The following ANKK1 variants were observed in gnomAD, a reference collection of about 807,000 sequenced individuals.
The protein encoded by ANKK1 is ankyrin repeat and protein kinase domain-containing protein 1.
A neutral mutation model predicts 37.6 loss-of-function variants in ANKK1; 37 were observed. The observed-to-expected ratio is 0.98, with a 90% confidence interval of 0.76 to 1.29. The LOEUF (loss-of-function observed/expected upper bound fraction) is 1.29. ANKK1 is among the 50% of genes most tolerant of loss of function. The pLI, the probability that ANKK1 is intolerant of heterozygous loss-of-function variation, is 0.00. For missense variants in ANKK1, 1,019 were observed against 990.6 expected, an observed-to-expected ratio of 1.03 and a Z score of -0.39; for synonymous variants, 415 against 418.7, an observed-to-expected ratio of 0.99 and a Z score of 0.11.
chr11:113,387,787 C>A lies in ANKK1; in HGVS notation c.-98C>A. On this transcript the variant is annotated 5_prime_UTR_variant, in exon 1 of 8. Transcript: ENST00000303941. ...GGCCGGCTCGTCTCCCCATTCCCCT[C>A]TCCCGGACCCGAGGAGCAGGAAGCG... is the stretch of plus-strand genomic sequence containing the variant. 1 of 1,367,036 alleles carries A rather than the reference C, an allele frequency of 7.3e-7. No homozygotes were observed. The allele number at this position is 1,367,036 out of a possible 1,614,324, so 84.7% of individuals were successfully genotyped here. A position where few individuals can be genotyped will look rare whatever the true frequency, so the allele number is the denominator to read the frequency against.
At chr11:113,398,848 C>A in intron 7 of ANKK1, 116 bp from the exon 8 acceptor site, 1 of 881,998 alleles carries the variant, frequency 1.1e-6, no homozygotes, top group Non-Finnish European at 1.7e-6. Context: ...AAGGCATTGC[C>A]CTTACTGCTC....
intron 1 of ANKK1, among the ~76,000 whole-genome samples, chr11:113,391,147 AG>A (rs1950584192): frequency 6.6e-6 from 1 of 152,198 alleles, no homozygotes; most frequent in Non-Finnish European, 1.5e-5. Context: ...GGAGTGTTCT[AG>A]GCAGAGAGAA....
At chr11:113,393,103 T>A (rs996612835) in intron 1 of ANKK1, among the ~76,000 whole-genome samples, 1 of 152,216 alleles carries the variant, frequency 6.6e-6, no homozygotes, top group Non-Finnish European at 1.5e-5. Flanking sequence ...TAATAAATGA[T>A]GTTTTGAAGC....
At chr11:113,393,828 G>A (rs1950613200) in intron 2 of ANKK1, 53 bp downstream of exon 2, 9 of 1,533,232 alleles carry the variant, frequency 5.9e-6, no homozygotes, top group African/African-American at 1.4e-5. Flanking sequence ...TTGCCTCCAG[G>A]TGAGCAGAAT....
Position 113,399,602 on chromosome 11 carries a change from C to T in ANKK1, c.1633C>T (p.His545Tyr). The change falls in exon 8 of 8, where the codon CAC (histidine) becomes TAC (tyrosine). Residue 545 changes from histidine to tyrosine, a missense_variant. By Grantham distance (83) the His-to-Tyr change is moderately conservative. Coordinates refer to ENST00000303941, the MANE Select transcript of ANKK1 (RefSeq NM_178510.2). Reference sequence around the variant, plus strand: ...GCGGGGCAAAGTGAGGGCCATCCAACACCTGCTGAAGAGTGGAGCGGTCCC... The same window carrying T: ...GCGGGGCAAAGTGAGGGCCATCCAATACCTGCTGAAGAGTGGAGCGGTCCC... Reference protein sequence around the residue: ...VERGKVRAIQHLLKSGAVPDA... With the variant: ...VERGKVRAIQYLLKSGAVPDA... 6.2e-7 allele frequency: 1 copy of T among 1,607,020 alleles called. No homozygotes were observed.
Position 113,398,960 on chromosome 11 carries a change from G to A in ANKK1, c.995-4G>A, listed in dbSNP as rs372213372. 157 of 1,563,650 alleles carry A rather than the reference G, an allele frequency of 1.0e-4. No homozygotes were observed. Among genetic ancestry groups the A allele is most frequent in the Middle Eastern group, 5.0e-4 (3 of 5,956 alleles). ...TTTTTTCAACCCCATCTTTCTCCCA[G>A]CAGACTCAGGAAACTACCTGAAGCG... is the stretch of plus-strand genomic sequence containing the variant. On this transcript the variant is annotated splice_polypyrimidine_tract_variant and splice_region_variant and intron_variant, in intron 7 of 7. Transcript: ENST00000303941.
chr11:113,392,707 C>T (rs1950597544), intron 1 of ANKK1, among the ~76,000 whole-genome samples: 1 of 152,236 alleles, frequency 6.6e-6, no homozygotes, highest in Non-Finnish European at 1.5e-5. Flanking sequence ...TAAGTTTCGA[C>T]TTCTGTTCCA....
chr11:113,394,676 G>A, intron 2 of ANKK1: 1 of 631,326 alleles, frequency 1.6e-6, no homozygotes, highest in South Asian at 1.5e-5. Flanking sequence ...ACCTCATTTA[G>A]TGCTCACAAT....
Position 113,399,588 on chromosome 11 carries a change from T to C in ANKK1, c.1619T>C (p.Val540Ala), listed in dbSNP as rs1164909434. ...CACCTGGCAGTAGAGCGGGGCAAAG[T>C]GAGGGCCATCCAACACCTGCTGAAG... ...PLHLAVERGKVRAIQHLLKSG... is the reference protein window; with the variant it reads ...PLHLAVERGKARAIQHLLKSG... Residue 540 changes from valine to alanine, a missense_variant, in exon 8 of 8, where the codon GTG becomes GCG. By Grantham distance (64) the Val-to-Ala change is moderately conservative (BLOSUM62 0). Transcript: ENST00000303941. 6.2e-7 allele frequency: 1 copy of C among 1,605,722 alleles called. No homozygotes were observed. The highest frequency in any genetic ancestry group is 1.7e-5 in the Admixed American group (1 of 59,064).
Position 113,388,034 on chromosome 11 carries a change from C to A in ANKK1, c.150C>A (p.Ile50=). 6.5e-7 allele frequency: 1 copy of A among 1,539,692 alleles called. No individual in the cohort carries two copies. Residue 50 remains isoleucine (I), a synonymous_variant, in exon 1 of 8, where the codon ATC becomes ATA. Coordinates refer to ENST00000303941, the MANE Select transcript of ANKK1 (RefSeq NM_178510.2). The part of the protein sequence containing the change: ...RHRRWRTEYA[I]KCAPCLPPDA... ...GGCGCTGGCGGACGGAGTACGCCAT[C>A]AAGTGCGCCCCCTGCCTTCCACCCG...
At chr11:113,392,956 A>G (rs765660725) in intron 1 of ANKK1, among the ~76,000 whole-genome samples, 5 of 152,216 alleles carry the variant, frequency 3.3e-5, no homozygotes, top group Non-Finnish European at 7.3e-5. Flanking sequence ...GGTGGATAGT[A>G]AAAGGATATA....
Position 113,395,427 on chromosome 11 carries a change from C to A in ANKK1, c.682+19C>A. 6.2e-7 allele frequency: 1 copy of A among 1,613,584 alleles called. No individual in the cohort carries two copies. Among genetic ancestry groups the A allele is most frequent in the Non-Finnish European group, 8.5e-7 (1 of 1,179,646 alleles). On this transcript the variant is annotated intron_variant, in intron 4 of 7. Coordinates refer to ENST00000303941, the MANE Select transcript of ANKK1 (RefSeq NM_178510.2). ...TACTCAGGTAAGCAGGCGGCTGTGG[C>A]TCTGTGTTGGGGGCAGGAGGACCCC...
Position 113,400,009 on chromosome 11 carries a change from A to T in ANKK1, c.2040A>T (p.Glu680Asp), listed in dbSNP as rs961308840. Residue 680 changes from glutamate to aspartate, a missense_variant, in exon 8 of 8, where the codon GAA becomes GAT. Transcript: ENST00000303941. ...TCCTGAGTGTCATCAACCTCCTAGA[A>T]CATCACGCAAATGTCCACGCCCGCA... is the stretch of plus-strand genomic sequence containing the variant. The part of the protein sequence containing the change: ...STFLSVINLL[E>D]HHANVHARNK... 2 of 1,613,322 alleles carry T rather than the reference A, an allele frequency of 1.2e-6. No individual in the cohort carries two copies. The highest frequency in any genetic ancestry group is 2.7e-5 in the African/African-American group (2 of 74,828).
In ANKK1 at chr11:113,396,288, G is replaced by T; in HGVS notation, c.838+66G>T. On this transcript the variant is annotated intron_variant, in intron 5 of 7. Coordinates refer to ENST00000303941, the MANE Select transcript of ANKK1 (RefSeq NM_178510.2). Reference sequence around the variant, plus strand: ...GTGGGGCCGGGAGGGGAGATGACTGGGCACTCCTGGGAGCTATGCAGAGAG... The same window carrying T: ...GTGGGGCCGGGAGGGGAGATGACTGTGCACTCCTGGGAGCTATGCAGAGAG... The T allele has an allele frequency of 1.9e-6, 3 of 1,587,110 alleles. 1 individual carries two copies. The highest frequency in any genetic ancestry group is 2.6e-6 in the Non-Finnish European group (3 of 1,163,818).
chr11:113,388,183 C>G, intron 1 of ANKK1, 114 bp downstream of exon 1: 1 of 1,314,328 alleles, frequency 7.6e-7, no homozygotes, highest in Non-Finnish European at 1.0e-6. Flanking sequence ...GAGGACTGTC[C>G]CCCGCGGTAT....
Position 113,387,823 on chromosome 11 carries a change from C to T in ANKK1, c.-62C>T. 4.2e-6 allele frequency: 6 copies of T among 1,427,016 alleles called. No individual in the cohort carries two copies. The South Asian group carries it at 7.3e-5, about 17-fold the overall frequency. 88.4% of individuals were successfully genotyped at this position (1,427,016 alleles called of 1,614,324 possible). A position where few individuals can be genotyped will look rare whatever the true frequency, so the allele number is the denominator to read the frequency against. On this transcript the variant is annotated 5_prime_UTR_variant, in exon 1 of 8. Transcript: ENST00000303941. ...GAGGAGCAGGAAGCGGCGGCTCCTT[C>T]GGCCACCCAGGCAGCAGCCACAGCG...
chr11:113,389,133 G>A (rs973533260), intron 1 of ANKK1, among the ~76,000 whole-genome samples: 1 of 152,150 alleles, frequency 6.6e-6, no homozygotes, highest in Non-Finnish European at 1.5e-5. Context: ...TTTTGGAGGA[G>A]GGTCAGAGTA....
In ANKK1 at chr11:113,397,967, T is replaced by C; in HGVS notation, c.958-13T>C. 6.4e-7 allele frequency: 1 copy of C among 1,557,716 alleles called. No homozygotes were observed. The highest frequency in any genetic ancestry group is 8.7e-7 in the Non-Finnish European group (1 of 1,150,296). ...ACTGATCTCCACCCTGCCTGCTGGT[T>C]ATGCCTCCCCAGGTTAATGAGGACA... On this transcript the variant is annotated splice_polypyrimidine_tract_variant and intron_variant, in intron 6 of 7. Transcript: ENST00000303941.
chr11:113,397,358 G>A lies in ANKK1; in HGVS notation c.957+16G>A. On this transcript the variant is annotated intron_variant, in intron 6 of 7. Coordinates refer to ENST00000303941, the MANE Select transcript of ANKK1 (RefSeq NM_178510.2). The stretch of plus-strand genomic sequence containing the variant: ...GCCCGGGGAGGTGAGTGTGTGGGCT[G>A]GGCAGTCCTTATGGTCATGCTAAGC... 1 of 1,601,424 alleles carries A rather than the reference G, an allele frequency of 6.2e-7. No individual in the cohort carries two copies. Among genetic ancestry groups the A allele is most frequent in the Non-Finnish European group, 8.5e-7 (1 of 1,171,202 alleles).
Sources: allele counts gnomAD v4.1 joint callset (sites outside exome capture counted in the v4.1 genomes callset), GRCh38; gene constraint gnomAD v4.1.1; transcripts MANE v1.5; gene names NCBI Gene and HGNC (gene_info 2026-07-23, HGNC 2026-07-21).